Variants in DIAPH2 observed in about 807,000 individuals in gnomAD.
The protein encoded by DIAPH2 is diaphanous related formin 2.
In DIAPH2, 35 loss-of-function variants were observed where a neutral mutation model predicts 92.7. The observed-to-expected ratio is 0.38, with a 90% CI of 0.29 to 0.50. DIAPH2 has a LOEUF of 0.50. Among genes scored for constraint, DIAPH2 ranks in the 20% least tolerant of loss-of-function variants. DIAPH2 has a pLI of 0.94. For synonymous variants in DIAPH2, 301 were observed against 280.4 expected (o/e 1.07, Z -0.73); for missense variants, 701 against 819.5 (o/e 0.86, Z 1.77).
chrX:96,713,073 C>T (rs769801416), intron 1 of DIAPH2, among the ~76,000 whole-genome samples: 1 of 111,113 alleles, frequency 9.0e-6, no homozygotes, highest in Non-Finnish European at 1.9e-5. Flanking sequence ...CACATACACA[C>T]TTATGTGCAC....
rs1291237200 is a variant in DIAPH2 at position 96,991,164 on chromosome X, G to A, written c.2050+25957G>A. Among the ~76,000 whole-genome samples, 3 of 108,449 alleles carry A rather than the reference G, an allele frequency of 2.8e-5. No homozygotes were observed. The East Asian group carries it at 8.7e-4, about 31-fold the overall frequency. The allele number at this position is 108,449 out of a possible 115,157, so 94.2% of individuals were successfully genotyped here. A position where few individuals can be genotyped will look rare whatever the true frequency, so the allele number is the denominator to read the frequency against. The stretch of plus-strand genomic sequence containing the variant: ...AGTTTCGCTCTTGTTACCCAGGCTG[G>A]AGTGCAATGGCACGATCTCAGCTCA... On this transcript the variant is annotated intron_variant, in intron 17 of 26. Coordinates refer to ENST00000324765, the MANE Select transcript of DIAPH2 (RefSeq NM_006729.5).
At chrX:96,985,960 A>T (rs1450416507) in intron 17 of DIAPH2, among the ~76,000 whole-genome samples, 1 of 111,239 alleles carries the variant, frequency 9.0e-6, no homozygotes, top group Non-Finnish European at 1.9e-5. Context: ...AAAGGAATCG[A>T]TATGTCAACT....
intron 5 of DIAPH2, among the ~76,000 whole-genome samples, chrX:96,908,521 C>T (rs1266994912): frequency 9.0e-6 from 1 of 111,602 alleles, no homozygotes; most frequent in Non-Finnish European, 1.9e-5. Flanking sequence ...CCAGTTAGTA[C>T]TAAATAATTC....
chrX:97,469,036 G>A (rs895307650), intron 26 of DIAPH2, among the ~76,000 whole-genome samples: 3 of 112,052 alleles, frequency 2.7e-5, no homozygotes, highest in Non-Finnish European at 5.6e-5. Flanking sequence ...AGCTACAGTT[G>A]TATTTATGAA....
chrX:97,500,783 T>TATATAG (rs2070791567), intron 26 of DIAPH2, among the ~76,000 whole-genome samples: 1 of 92,769 alleles, frequency 1.1e-5, no homozygotes, highest in Non-Finnish European at 2.1e-5. Flanking sequence ...TATATATATA[T>TATATAG]ATATATATAT....
chrX:97,166,337 G>T (rs947709677), intron 22 of DIAPH2, among the ~76,000 whole-genome samples: 1 of 111,569 alleles, frequency 9.0e-6, no homozygotes, highest in Non-Finnish European at 1.9e-5. Context: ...CTTTCTGTGA[G>T]ATATATACAA....
At chrX:96,835,694 G>A (rs975710467) in intron 4 of DIAPH2, among the ~76,000 whole-genome samples, 1 of 112,298 alleles carries the variant, frequency 8.9e-6, no homozygotes, top group Non-Finnish European at 1.9e-5. Context: ...TTATCACAAA[G>A]AATGCTATTT....
intron 22 of DIAPH2, among the ~76,000 whole-genome samples, chrX:97,196,151 G>A (rs957753091): frequency 9.0e-6 from 1 of 110,800 alleles, no homozygotes; most frequent in Non-Finnish European, 1.9e-5. Flanking sequence ...AGCAAAGCTC[G>A]GTAGCTTATC....
intron 24 of DIAPH2, among the ~76,000 whole-genome samples, chrX:97,378,373 A>C (rs1361583381): frequency 2.1e-5 from 2 of 97,474 alleles, no homozygotes; most frequent in Admixed American, 1.1e-4. Flanking sequence ...ACAGAGTGAG[A>C]CTCCGTCTCA....
chrX:97,097,611 T>C (rs2066878446), intron 19 of DIAPH2, among the ~76,000 whole-genome samples: 1 of 112,230 alleles, frequency 8.9e-6, no homozygotes, highest in African/African-American at 3.2e-5. Flanking sequence ...ACAATACTTA[T>C]TTTCCCAGTT....
chrX:97,224,857 C>A (rs2067953326), intron 22 of DIAPH2, among the ~76,000 whole-genome samples: 1 of 111,373 alleles, frequency 9.0e-6, no homozygotes. Context: ...TCTAAACCCA[C>A]CTCTTTGTAG....
chrX:97,036,890 G>T (rs2066414657), intron 17 of DIAPH2, among the ~76,000 whole-genome samples: 1 of 111,802 alleles, frequency 8.9e-6, no homozygotes, highest in African/African-American at 3.3e-5. Context: ...GAAGACACTT[G>T]CTGAGTGTTG....
intron 23 of DIAPH2, among the ~76,000 whole-genome samples, chrX:97,272,219 G>A (rs989297058): frequency 3.1e-4 from 34 of 110,243 alleles, no homozygotes; most frequent in Non-Finnish European, 6.1e-4. Context: ...GGTTGGTCTC[G>A]AACTCCTGAC....
intron 23 of DIAPH2, among the ~76,000 whole-genome samples, chrX:97,334,472 A>C (rs7392158): frequency 4.7e-5 from 4 of 84,432 alleles, no homozygotes; most frequent in Admixed American, 1.5e-4. Flanking sequence ...CAAAAAAAAA[A>C]AAAAAACAAA....
At chrX:97,436,006 C>T (rs922333674) in intron 26 of DIAPH2, among the ~76,000 whole-genome samples, 5 of 110,228 alleles carry the variant, frequency 4.5e-5, no homozygotes, top group African/African-American at 1.7e-4. Flanking sequence ...GGGGTTTCAC[C>T]GTGTTAGCCA....
At chrX:96,989,773 T>A (rs1479234532) in intron 17 of DIAPH2, among the ~76,000 whole-genome samples, 1 of 111,603 alleles carries the variant, frequency 9.0e-6, no homozygotes, top group Non-Finnish European at 1.9e-5. Context: ...ATAAGAAATT[T>A]AAAAACCAAC....
intron 8 of DIAPH2, among the ~76,000 whole-genome samples, chrX:96,916,874 G>C (rs145962239): frequency 5.5e-4 from 61 of 111,300 alleles, no homozygotes; most frequent in Non-Finnish European, 1.0e-3. Flanking sequence ...AAAAATCAGA[G>C]AGTTATTTTG....
At chrX:96,836,524 C>T (rs2064887705) in intron 4 of DIAPH2, among the ~76,000 whole-genome samples, 1 of 105,798 alleles carries the variant, frequency 9.5e-6, no homozygotes, top group Admixed American at 1.0e-4. Flanking sequence ...ATTCTTCCTT[C>T]CTCTGATAGG....
intron 17 of DIAPH2, among the ~76,000 whole-genome samples, chrX:97,026,384 T>TA (rs1407150294): frequency 3.6e-5 from 4 of 111,984 alleles, no homozygotes; most frequent in Non-Finnish European, 5.6e-5. Flanking sequence ...CATATAATTG[T>TA]AAAAAAAGTA....
Sources: allele counts gnomAD v4.1 joint callset (sites outside exome capture counted in the v4.1 genomes callset), GRCh38; gene constraint gnomAD v4.1.1; transcripts MANE v1.5; gene names NCBI Gene and HGNC (gene_info 2026-07-23, HGNC 2026-07-21).